Variants in LIG1 observed in about 807,000 individuals in gnomAD.
LIG1 encodes the protein ligase I, DNA, ATP-dependent.
In LIG1, 70 loss-of-function variants were observed where a neutral mutation model predicts 115.7. That is an observed-to-expected ratio of 0.60 (90% CI 0.50 to 0.74). The LOEUF is 0.74. Among genes scored for constraint, LIG1 ranks in the 30% least tolerant of loss-of-function variants. The probability of loss-of-function intolerance (pLI) is 0.00; values close to 1 mark genes in which losing one functional copy is unlikely to be tolerated. For synonymous variants in LIG1, 487 were observed against 495.3 expected (o/e 0.98, Z 0.22); for missense variants, 1,115 against 1,225.6 (o/e 0.91, Z 1.35).
At chr19:48,119,566 T>C (rs1329669174) in intron 24 of LIG1, among the ~76,000 whole-genome samples, 1 of 116,128 alleles carries the variant, frequency 8.6e-6, no homozygotes, top group Non-Finnish European at 1.7e-5. Flanking sequence ...TGAGACAGGG[T>C]GTAGCTCTGT....
intron 26 of LIG1, among the ~76,000 whole-genome samples, chr19:48,116,936 T>C (rs543814573): frequency 1.3e-5 from 2 of 152,284 alleles, no homozygotes; most frequent in African/African-American, 4.8e-5. Context: ...CAGGTGTTTG[T>C]GACCAGCCTA....
chr19:48,162,270 G>A lies in LIG1; in HGVS notation c.99C>T (p.Pro33=), dbSNP rs1038465893. 2 of 1,612,974 alleles carry A rather than the reference G, an allele frequency of 1.2e-6. No individual in the cohort carries two copies. Among genetic ancestry groups the A allele is most frequent in the African/African-American group, 2.7e-5 (2 of 74,862 alleles). Residue 33 remains proline, a synonymous_variant, in exon 3 of 28, where the codon CCC becomes CCT. Transcript: ENST00000263274. ...CCAGCCCTGTGACATACTTTGGAGG[G>A]GGCTCCGTCTCTCTGCTGCTATTGG... The part of the protein sequence containing the change: ...EASNSSRETE[P]PPKAALKEWN...
At chr19:48,139,450 C>T (rs1020226244) in intron 12 of LIG1, among the ~76,000 whole-genome samples, 6 of 152,110 alleles carry the variant, frequency 3.9e-5, no homozygotes, top group South Asian at 2.1e-4. Context: ...CTGCCCCTTG[C>T]CTGCTCACAA....
At chr19:48,117,884 C>A in intron 25 of LIG1, 103 bp from the exon 26 acceptor site, 7 of 1,250,962 alleles carry the variant, frequency 5.6e-6, no homozygotes, top group Non-Finnish European at 4.6e-6. Flanking sequence ...AAAACAGGCA[C>A]CCCCTTGAAG....
intron 2 of LIG1, among the ~76,000 whole-genome samples, chr19:48,163,581 C>T (rs2036308607): frequency 6.6e-6 from 1 of 151,976 alleles, no homozygotes; most frequent in Non-Finnish European, 1.5e-5. Flanking sequence ...GACCCAGACA[C>T]ACGAAGTTCC....
In LIG1 at chr19:48,137,370, TG is replaced by T; in HGVS notation, c.1254+151del. ...TCTGAAGAGGAGACTCCCCTAGGAT[TG>T]GGTGCAGGAAGGAGGAGAGGAAGCT... On this transcript the variant is annotated intron_variant, in intron 13 of 27. Coordinates refer to ENST00000263274, the MANE Select transcript of LIG1 (RefSeq NM_000234.3). This position sits in a 1 kb window ranked among gnomAD's most constrained non-coding sequence, Gnocchi z 4.3. The T allele has an allele frequency of 1.0e-6, 1 of 984,244 alleles. No individual in the cohort carries two copies. Among genetic ancestry groups the T allele is most frequent in the Middle Eastern group, 3.1e-4 (1 of 3,222 alleles). The allele number at this position is 984,244 out of a possible 1,614,324, so 61.0% of individuals were successfully genotyped here. A position where few individuals can be genotyped will look rare whatever the true frequency, so the allele number is the denominator to read the frequency against.
chr19:48,161,629 A>G, intron 3 of LIG1, 122 bp from the exon 4 acceptor site: 2 of 1,203,338 alleles, frequency 1.7e-6, no homozygotes, highest in South Asian at 2.6e-5. Context: ...TCCAATGAAC[A>G]TTTTCTGGTT....
In LIG1 at chr19:48,161,046, T is replaced by C. The variant is rs1599875575; in HGVS notation, c.243+326A>G. 7.7e-6 allele frequency: 3 copies of C among 387,368 alleles called. No individual in the cohort carries two copies. The East Asian group carries it at 1.8e-4, about 24-fold the overall frequency. The allele number at this position is 387,368 out of a possible 1,614,324, so 24.0% of individuals were successfully genotyped here. A position where few individuals can be genotyped will look rare whatever the true frequency, so the allele number is the denominator to read the frequency against. ...GCCATTGTGCTGGGCCTTGAGCCCT[T>C]GTTTTACCATCAGGCATTATTCTCA... On this transcript the variant is annotated intron_variant, in intron 4 of 27. Transcript: ENST00000263274.
intron 21 of LIG1, among the ~76,000 whole-genome samples, chr19:48,125,568 C>T (rs145058157): frequency 7.8e-4 from 119 of 152,310 alleles, no homozygotes; most frequent in Admixed American, 2.9e-3. Flanking sequence ...GCAAAAGACA[C>T]GCGGAGGCAA....
chr19:48,135,534 A>G (rs1427486137), intron 16 of LIG1, 146 bp downstream of exon 16: 5 of 757,642 alleles, frequency 6.6e-6, no homozygotes, highest in Non-Finnish European at 1.2e-5. Context: ...CTAGATCACC[A>G]CCTCTGCTCT....
chr19:48,169,625 C>CCAT (rs1295517841), intron 1 of LIG1: 5 of 158,946 alleles, frequency 3.1e-5, no homozygotes, highest in African/African-American at 1.2e-4. Context: ...CTGACACCAC[C>CCAT]CATCTCCCTC....
In LIG1 at chr19:48,142,444, A is replaced by AAAAAAAAAACAAAAAAAC. The variant is rs2034828720; in HGVS notation, c.914+1098_914+1099insGTTTTTTTGTTTTTTTTT. ...GGCAACAGAGCAAGACTCCATCTCAAAAAAAAAAAAAAACAGAGTGCTGGG... is the reference window on the plus strand; with the variant it reads ...GGCAACAGAGCAAGACTCCATCTCAAAAAAAAAAACAAAAAAACAAAAAAAAAAAAACAGAGTGCTGGG... On this transcript the variant is annotated intron_variant, in intron 11 of 27. Transcript: ENST00000263274. 1.9e-5 allele frequency among the ~76,000 whole-genome samples: 2 copies of AAAAAAAAAACAAAAAAAC among 104,782 alleles called. 1 individual carries two copies. Among genetic ancestry groups the AAAAAAAAAACAAAAAAAC allele is most frequent in the African/African-American group, 9.8e-5 (2 of 20,496 alleles). The allele number at this position is 104,782 out of a possible 152,430, so 68.7% of individuals were successfully genotyped here. A position where few individuals can be genotyped will look rare whatever the true frequency, so the allele number is the denominator to read the frequency against.
intron 11 of LIG1, among the ~76,000 whole-genome samples, chr19:48,142,253 C>G (rs1419242179): frequency 1.3e-5 from 2 of 151,854 alleles, no homozygotes; most frequent in Non-Finnish European, 2.9e-5. Context: ...CTGGCTAACA[C>G]AGTGAAACCC....
At chr19:48,131,215 C>A in intron 18 of LIG1, 44 bp from the exon 19 acceptor site, 1 of 1,446,832 alleles carries the variant, frequency 6.9e-7, no homozygotes, top group South Asian at 1.1e-5. Flanking sequence ...TGAGTCCCCT[C>A]ATGTGGCCTC....
intron 19 of LIG1, among the ~76,000 whole-genome samples, chr19:48,130,534 ACTC>A (rs2033949446): frequency 1.3e-5 from 2 of 150,772 alleles, no homozygotes; most frequent in Admixed American, 1.3e-4. Flanking sequence ...ACTCGTCCTG[ACTC>A]CTCCTCCCCG....
intron 11 of LIG1, among the ~76,000 whole-genome samples, chr19:48,142,368 G>A (rs1007620914): frequency 6.8e-6 from 1 of 147,746 alleles, no homozygotes; most frequent in Non-Finnish European, 1.5e-5. Flanking sequence ...GTGTGAACCT[G>A]GGAGGCGGAG....
Position 48,150,078 on chromosome 19 carries a change from G to C in LIG1, c.697+10C>G. 6.2e-7 allele frequency: 1 copy of C among 1,614,144 alleles called. No homozygotes were observed. The highest frequency in any genetic ancestry group is 1.3e-5 in the African/African-American group (1 of 75,040). On this transcript the variant is annotated intron_variant, in intron 8 of 27. Coordinates refer to ENST00000263274, the MANE Select transcript of LIG1 (RefSeq NM_000234.3). ...AACCCCGGGAGGTGGGGTGAGCAAG[G>C]GAAACTCACTGAAGAAGCTGCTGAG... is the stretch of plus-strand genomic sequence containing the variant.
Position 48,133,052 on chromosome 19 carries a change from C to T in LIG1, c.1655G>A (p.Ser552Asn). ...CTCCTCAAAGCGTTTCAGGACCTCGCTGATGCCCCGGGTGGGATGGGCCAA... is the reference window on the plus strand; with the variant it reads ...CTCCTCAAAGCGTTTCAGGACCTCGTTGATGCCCCGGGTGGGATGGGCCAA... ...PMLAHPTRGI[S>N]EVLKRFEEAA... is the part of the protein sequence containing the mutation. Residue 552 changes from serine (S) to asparagine (N), a missense_variant, in exon 18 of 28, where the codon AGC (serine) becomes AAC (asparagine). Ser to Asn is a conservative substitution (Grantham distance 46). Transcript: ENST00000263274. 3.1e-6 allele frequency: 5 copies of T among 1,614,170 alleles called. No homozygotes were observed. The African/African-American group carries it at 5.3e-5, about 17-fold the overall frequency.
intron 4 of LIG1, among the ~76,000 whole-genome samples, chr19:48,159,958 C>T (rs2036079295): frequency 6.6e-6 from 1 of 152,192 alleles, no homozygotes; most frequent in Non-Finnish European, 1.5e-5. Context: ...ACCTTGTGAT[C>T]TGCCTGCCTC....
Sources: allele counts gnomAD v4.1 joint callset (sites outside exome capture counted in the v4.1 genomes callset), GRCh38; gene constraint gnomAD v4.1.1; non-coding constraint Gnocchi (gnomAD v3.1); transcripts MANE v1.5; gene names NCBI Gene and HGNC (gene_info 2026-07-23, HGNC 2026-07-21).